Variants in CHD2 observed in about 807,000 individuals in gnomAD.
The protein encoded by CHD2 is ATP-dependent chromatin remodeler CHD2.
In CHD2, 28 loss-of-function variants were observed where a neutral mutation model predicts 243.9. That is an observed-to-expected ratio of 0.11 (90% CI 0.09 to 0.16). CHD2 has a LOEUF of 0.16. Among genes scored for constraint, CHD2 ranks in the 10% least tolerant of loss-of-function variants. The pLI is 1.00. For synonymous variants in CHD2, 775 were observed against 779.0 expected, an observed-to-expected ratio of 0.99 and a Z score of 0.09; for missense variants, 1,386 against 2,209.8, an observed-to-expected ratio of 0.63 and a Z score of 7.47.
intron 5 of CHD2, among the ~76,000 whole-genome samples, chr15:92,934,559 T>C (rs1218771344): frequency 2.0e-5 from 3 of 152,118 alleles, no homozygotes; most frequent in Non-Finnish European, 4.4e-5. Context: ...AGTGGTGGAG[T>C]CTTGATAAGA....
At chr15:93,002,567 A>C (rs1446168205) in intron 33 of CHD2, among the ~76,000 whole-genome samples, 1 of 152,216 alleles carries the variant, frequency 6.6e-6, no homozygotes, top group African/African-American at 2.4e-5. Context: ...TCAGGGGGAA[A>C]TGTTTGAATG....
At chr15:92,993,541 T>G (rs2054148226) in intron 28 of CHD2, among the ~76,000 whole-genome samples, 1 of 145,342 alleles carries the variant, frequency 6.9e-6, no homozygotes, top group South Asian at 2.2e-4. Flanking sequence ...AGAAAGTGAT[T>G]TTGCCTGTCC....
intron 12 of CHD2, chr15:92,947,255 A>G (rs1202482830): frequency 2.6e-5 from 4 of 152,286 alleles, no homozygotes; most frequent in East Asian, 1.9e-4. Flanking sequence ...TCCAGTGGTC[A>G]TTGAATGGGT....
chr15:92,980,809 C>T lies in CHD2; in HGVS notation c.2877-6C>T. The T allele has an allele frequency of 1.2e-6, 2 of 1,605,344 alleles. No homozygotes were observed. Among genetic ancestry groups the T allele is most frequent in the African/African-American group, 1.3e-5 (1 of 74,694 alleles). ...TGTTTCTAACAACTACATTTTACTT[C>T]CACAGCTCAAATCCTTTTAATAAAG... On this transcript the variant is annotated splice_region_variant and splice_polypyrimidine_tract_variant and intron_variant, in intron 22 of 38. Coordinates refer to ENST00000394196, the MANE Select transcript of CHD2 (RefSeq NM_001271.4).
chr15:92,917,539 C>G (rs2052864303), intron 2 of CHD2, among the ~76,000 whole-genome samples: 1 of 152,130 alleles, frequency 6.6e-6, no homozygotes, highest in South Asian at 2.1e-4. Context: ...CCAGCCTGGG[C>G]TACAGAGCGC....
chr15:92,912,474 A>G (rs1053393123), intron 2 of CHD2, among the ~76,000 whole-genome samples: 6 of 152,198 alleles, frequency 3.9e-5, no homozygotes, highest in Non-Finnish European at 8.8e-5. Context: ...CTCCTGCCTC[A>G]GCCTCCCAAG....
Position 92,941,927 on chromosome 15 carries a change from C to A in CHD2, c.798C>A (p.Val266=). Residue 266 remains valine (V), a synonymous_variant, in exon 8 of 39, where the codon GTC becomes GTA. Coordinates refer to ENST00000394196, the MANE Select transcript of CHD2 (RefSeq NM_001271.4). ...ATAATAGTGAAACTATTGAAAAGGT[C>A]TTAGATTCAAGACTGGGAAAGAAAG... The part of the protein sequence containing the change: ...QQDNSETIEK[V]LDSRLGKKGA... 1 of 1,612,956 alleles carries A rather than the reference C, an allele frequency of 6.2e-7. No individual in the cohort carries two copies. Among genetic ancestry groups the A allele is most frequent in the South Asian group, 1.1e-5 (1 of 90,950 alleles).
intron 5 of CHD2, among the ~76,000 whole-genome samples, chr15:92,931,932 G>A (rs1320675772): frequency 1.4e-5 from 2 of 147,644 alleles, no homozygotes; most frequent in African/African-American, 5.0e-5. Context: ...GCGCAATCTC[G>A]GCTCACTGCA....
intron 6 of CHD2, 83 bp from the exon 7 acceptor site, chr15:92,939,495 C>A: frequency 7.0e-7 from 1 of 1,421,684 alleles, no homozygotes; most frequent in Non-Finnish European, 9.6e-7. Context: ...GTATGAACCA[C>A]TGCTCTGGGA....
intron 2 of CHD2, among the ~76,000 whole-genome samples, chr15:92,922,445 T>C (rs1488006082): frequency 6.6e-6 from 1 of 152,140 alleles, no homozygotes; most frequent in Non-Finnish European, 1.5e-5. Context: ...CGACCCCTGC[T>C]CTCCCATTTT....
rs1440702929 is a variant in CHD2 at position 93,024,394 on chromosome 15, A to G, written c.5176A>G (p.Arg1726Gly). Reference sequence around the variant, plus strand: ...CAGGCACCATCATGACTCCAAGCGGAGGAGATCCGATGAATTTAGGCCTCA... The same window carrying G: ...CAGGCACCATCATGACTCCAAGCGGGGGAGATCCGATGAATTTAGGCCTCA... ...YDRHHHDSKRRRSDEFRPQNY... is the reference protein window; with the variant it reads ...YDRHHHDSKRGRSDEFRPQNY... The change falls in exon 39 of 39, where the codon AGG becomes GGG. Residue 1726 changes from arginine (R) to glycine (G), a missense_variant. Physicochemically the swap from Arg to Gly is moderately radical, Grantham distance 125. Around this residue, in one of 19 missense-constraint regions of CHD2, gnomAD observed 347 missense variants for 341.6 expected, o/e 1.02. Transcript: ENST00000394196. The G allele has an allele frequency of 1.2e-6, 2 of 1,613,882 alleles. No individual in the cohort carries two copies. The highest frequency in any genetic ancestry group is 1.7e-6 in the Non-Finnish European group (2 of 1,179,896).
chr15:92,926,399 T>C (rs1223223480), intron 3 of CHD2, among the ~76,000 whole-genome samples: 1 of 152,246 alleles, frequency 6.6e-6, no homozygotes, highest in African/African-American at 2.4e-5. Context: ...ATCTCAGCTT[T>C]TGCTACTTGC....
chr15:92,913,796 G>A (rs1407883817), intron 2 of CHD2, among the ~76,000 whole-genome samples: 1 of 152,160 alleles, frequency 6.6e-6, no homozygotes, highest in Non-Finnish European at 1.5e-5. Context: ...CGGCTGCAGT[G>A]AGCTGTGATC....
At chr15:92,984,951 C>G (rs948344745) in intron 25 of CHD2, among the ~76,000 whole-genome samples, 4 of 152,188 alleles carry the variant, frequency 2.6e-5, no homozygotes, top group African/African-American at 9.7e-5. Context: ...ATCACAGACA[C>G]TATCTAATTT....
At chr15:93,006,342 G>A (rs1305428877) in intron 34 of CHD2, among the ~76,000 whole-genome samples, 1 of 151,944 alleles carries the variant, frequency 6.6e-6, no homozygotes, top group Non-Finnish European at 1.5e-5. Flanking sequence ...GGTCAGGCTG[G>A]TCTAGAACTC....
At position 92,948,959 on chromosome 15, in the gene CHD2, A is replaced by G; in HGVS notation, c.1385A>G (p.Lys462Arg). 6.2e-7 allele frequency: 1 copy of G among 1,613,196 alleles called. No homozygotes were observed. The highest frequency in any genetic ancestry group is 8.5e-7 in the Non-Finnish European group (1 of 1,179,778). Reference sequence around the variant, plus strand: ...TGGGCTTTTGTTTTTCAGGCCCTGAAGCAGAGACCACGATTTGTAGCTTTA... The same window carrying G: ...TGGGCTTTTGTTTTTCAGGCCCTGAGGCAGAGACCACGATTTGTAGCTTTA... ...TIPTRECKAL[K>R]QRPRFVALKK... is the part of the protein sequence containing the mutation. The change falls in exon 13 of 39, where the codon AAG becomes AGG. Residue 462 changes from lysine (K) to arginine (R), a missense_variant. Transcript: ENST00000394196.
At position 93,009,338 on chromosome 15, in the gene CHD2, C is replaced by A. The variant is rs1369340779; in HGVS notation, c.4592+15C>A. 6.2e-7 allele frequency: 1 copy of A among 1,608,204 alleles called. No individual in the cohort carries two copies. Among genetic ancestry groups the A allele is most frequent in the East Asian group, 2.2e-5 (1 of 44,756 alleles). On this transcript the variant is annotated intron_variant, in intron 35 of 38. Transcript: ENST00000394196. Reference sequence around the variant, plus strand: ...CTCTGGAGGAGGTAACCACTTTGGCCTCGTCTGCCCAGTTTGATTTGACTG... The same window carrying A: ...CTCTGGAGGAGGTAACCACTTTGGCATCGTCTGCCCAGTTTGATTTGACTG...
chr15:92,949,829 T>C (rs182225560), intron 13 of CHD2, among the ~76,000 whole-genome samples: 1 of 152,332 alleles, frequency 6.6e-6, no homozygotes, highest in African/African-American at 2.4e-5. Flanking sequence ...GAAAGGGTGC[T>C]TCTTGGAAGC....
intron 2 of CHD2, chr15:92,905,024 G>T: frequency 6.5e-7 from 1 of 1,529,212 alleles, no homozygotes; most frequent in Non-Finnish European, 8.8e-7. Context: ...TATGTGCTAA[G>T]TACTATATAT....
Sources: allele counts gnomAD v4.1 joint callset (sites outside exome capture counted in the v4.1 genomes callset), GRCh38; gene constraint gnomAD v4.1.1; regional missense constraint gnomAD v4.1.1; transcripts MANE v1.5; gene names NCBI Gene and HGNC (gene_info 2026-07-23, HGNC 2026-07-21).